POLN: variants seen among roughly 807,000 people sequenced by gnomAD.
POLN encodes DNA polymerase nu.
A neutral mutation model predicts 113.5 loss-of-function variants in POLN; 108 were observed. The observed-to-expected ratio is 0.95, with a 90% CI of 0.81 to 1.12. The LOEUF is 1.12. POLN is among the 50% of genes most tolerant of loss of function. The pLI, the probability that POLN is intolerant of heterozygous loss-of-function variation, is 0.00. For synonymous variants in POLN, 386 were observed against 391.5 expected, an observed-to-expected ratio of 0.99 and a Z score of 0.17; for missense variants, 1,097 against 1,077.1, an observed-to-expected ratio of 1.02 and a Z score of -0.26.
chr4:2,155,756 A>G (rs900223287), intron 16 of POLN, among the ~76,000 whole-genome samples: 5 of 152,214 alleles, frequency 3.3e-5, no homozygotes, highest in African/African-American at 1.2e-4. Context: ...ATTCAAATCA[A>G]TATTAATGTA....
Position 2,180,240 on chromosome 4 carries a change from T to C in POLN, c.1022-775A>G, listed in dbSNP as rs73799912. 2.2e-3 allele frequency among the ~76,000 whole-genome samples: 342 copies of C among 152,274 alleles called. 1 individual carries two copies. The highest frequency in any genetic ancestry group is 7.8e-3 in the African/African-American group (323 of 41,562). On this transcript the variant is annotated intron_variant, in intron 7 of 25. Transcript: ENST00000511885. ...GCTTTTTAAAAAGTAAATACAATAT[T>C]TGCTAAACAAACAAGTTTTTATACC...
intron 8 of POLN, among the ~76,000 whole-genome samples, chr4:2,178,198 A>G (rs1020410902): frequency 3.3e-5 from 5 of 152,262 alleles, no homozygotes; most frequent in East Asian, 1.9e-4. Flanking sequence ...CTCAGTGCCC[A>G]GTGCCCAGCA....
intron 13 of POLN, among the ~76,000 whole-genome samples, chr4:2,159,601 C>G (rs1397258645): frequency 1.3e-5 from 2 of 152,086 alleles, no homozygotes; most frequent in Non-Finnish European, 2.9e-5. Flanking sequence ...TATAACATAC[C>G]TATAGGAAAG....
chr4:2,091,167 CCA>C (rs1337078401), intron 20 of POLN, among the ~76,000 whole-genome samples: 1 of 152,190 alleles, frequency 6.6e-6, no homozygotes, highest in Admixed American at 6.5e-5. Flanking sequence ...TATACATTTT[CCA>C]CAGTTTATAG....
chr4:2,080,901 C>T, intron 23 of POLN, 57 bp downstream of exon 23: 1 of 1,612,056 alleles, frequency 6.2e-7, no homozygotes, highest in South Asian at 1.1e-5. Flanking sequence ...CCGAGGGGGT[C>T]TTCCCACAGA....
intron 3 of POLN, among the ~76,000 whole-genome samples, chr4:2,217,660 A>G (rs1438567540): frequency 6.6e-6 from 1 of 152,062 alleles, no homozygotes; most frequent in Non-Finnish European, 1.5e-5. Flanking sequence ...TTCTGCAGAT[A>G]GCATTGCCTT....
chr4:2,098,990 C>T (rs543451241), intron 19 of POLN, among the ~76,000 whole-genome samples: 2 of 152,296 alleles, frequency 1.3e-5, no homozygotes, highest in South Asian at 4.2e-4. Flanking sequence ...TGAAAGAGGT[C>T]CCAATGGCCA....
intron 16 of POLN, among the ~76,000 whole-genome samples, chr4:2,149,821 C>A (rs192581657): frequency 1.3e-5 from 2 of 151,874 alleles, no homozygotes; most frequent in East Asian, 1.9e-4. Flanking sequence ...CGTTGACTCA[C>A]ACCTGTAATC....
At chr4:2,075,316 A>T in intron 24 of POLN, 136 bp downstream of exon 24, 1 of 970,608 alleles carries the variant, frequency 1.0e-6, no homozygotes, top group Non-Finnish European at 1.5e-6. Context: ...CCCAGGTGAC[A>T]CAGCAGCAAT....
At chr4:2,132,563 C>G (rs1338670626) in intron 16 of POLN, among the ~76,000 whole-genome samples, 4 of 152,104 alleles carry the variant, frequency 2.6e-5, no homozygotes, top group Non-Finnish European at 5.9e-5. Flanking sequence ...GCTGAAAAAA[C>G]TGTGATTTAA....
intron 9 of POLN, among the ~76,000 whole-genome samples, chr4:2,175,142 C>T (rs565441769): frequency 9.2e-5 from 14 of 152,194 alleles, no homozygotes; most frequent in Non-Finnish European, 1.6e-4. Context: ...TAAATTTTGT[C>T]GAGCTAGAAT....
rs747083462 is a variant in POLN, at chr4:2,238,702, C to G, written c.-13+2818G>C. The G allele has an allele frequency of 1.9e-6, 3 of 1,612,784 alleles. No homozygotes were observed. The African/African-American group carries it at 4.0e-5, about 22-fold the overall frequency. ...ACATTTCTAATTGCTTGTAGAGCAT[C>G]ATGTTACTTTGACTAAGTTCTTGAA... is the stretch of plus-strand genomic sequence containing the variant. On this transcript the variant is annotated intron_variant, in intron 2 of 25. Coordinates refer to ENST00000511885, the MANE Select transcript of POLN (RefSeq NM_181808.4).
At chr4:2,169,400 T>G (rs1227804669) in intron 13 of POLN, among the ~76,000 whole-genome samples, 2 of 152,142 alleles carry the variant, frequency 1.3e-5, no homozygotes, top group Non-Finnish European at 2.9e-5. Context: ...AAAGGAGGCA[T>G]GCTCAGGACC....
rs1730156865 is a variant in POLN, at chr4:2,072,084, C to T, written c.*30G>A. ...AGGCCACACAATGGACTGCTGGAAACCAGTTCTCTCCTCCCACTGTTGCCT... is the reference window on the plus strand; with the variant it reads ...AGGCCACACAATGGACTGCTGGAAATCAGTTCTCTCCTCCCACTGTTGCCT... On this transcript the variant is annotated 3_prime_UTR_variant, in exon 26 of 26. Transcript: ENST00000511885. 3.7e-6 allele frequency: 6 copies of T among 1,611,136 alleles called. No individual in the cohort carries two copies. Among genetic ancestry groups the T allele is most frequent in the Non-Finnish European group, 5.1e-6 (6 of 1,178,244 alleles).
At chr4:2,164,387 G>T (rs576667706) in intron 13 of POLN, among the ~76,000 whole-genome samples, 2 of 150,684 alleles carry the variant, frequency 1.3e-5, no homozygotes, top group African/African-American at 4.9e-5. Context: ...TATTATCCCA[G>T]CTACTAAGGA....
At chr4:2,153,496 C>T (rs964551666) in intron 16 of POLN, among the ~76,000 whole-genome samples, 3 of 151,940 alleles carry the variant, frequency 2.0e-5, no homozygotes, top group African/African-American at 4.8e-5. Flanking sequence ...ATGGCTATTG[C>T]GGGGATATGG....
intron 16 of POLN, among the ~76,000 whole-genome samples, chr4:2,139,208 G>A (rs1731935855): frequency 2.6e-5 from 4 of 152,184 alleles, no homozygotes; most frequent in African/African-American, 7.2e-5. Context: ...GAGGAGCCAC[G>A]GAAACGGGCC....
intron 19 of POLN, among the ~76,000 whole-genome samples, chr4:2,113,862 T>A (rs1285695110): frequency 1.3e-5 from 1 of 75,702 alleles, no homozygotes; most frequent in African/African-American, 5.2e-5. Flanking sequence ...CATTTCAAAA[T>A]AATAATAATA....
In POLN at chr4:2,173,967, T is replaced by G. The variant is rs1157945517; in HGVS notation, c.1362A>C (p.Ser454=). Reference sequence around the variant, plus strand: ...AATAATAACTTACCCCAAGAAGTGCTGACGTCTTCTCCATCTCCTCTTTGT... The same window carrying G: ...AATAATAACTTACCCCAAGAAGTGCGGACGTCTTCTCCATCTCCTCTTTGT... ...QVNKEEMEKT[S]ALLGARLKEL... Residue 454 remains serine (S), a synonymous_variant, in exon 11 of 26, where the codon TCA becomes TCC. Coordinates refer to ENST00000511885, the MANE Select transcript of POLN (RefSeq NM_181808.4). The G allele has an allele frequency of 6.2e-7, 1 of 1,614,102 alleles. No homozygotes were observed. The highest frequency in any genetic ancestry group is 2.2e-5 in the East Asian group (1 of 44,900).
Sources: gnomAD v4.1 joint callset for allele counts (sites outside exome capture counted in the v4.1 genomes callset) on GRCh38, gnomAD v4.1.1 for gene constraint, MANE v1.5 for transcripts, NCBI Gene and HGNC (gene_info 2026-07-23, HGNC 2026-07-21) for gene names.